The following NUP160 variants were observed in gnomAD, a reference collection of about 807,000 sequenced individuals.
The protein encoded by NUP160 is nucleoporin 160.
NUP160 carries 94 observed loss-of-function variants against 196.9 expected under a neutral mutation model. The ratio of observed to expected loss-of-function variants is 0.48; its 90% CI spans 0.40 to 0.57. The LOEUF is 0.57. Ranked by LOEUF, NUP160 falls within the 20% of genes least tolerant of loss-of-function variation. NUP160 has a pLI of 0.00. For missense variants in NUP160, 1,638 were observed against 1,748.3 expected (o/e 0.94, Z 1.13); for synonymous variants, 605 against 619.7 (o/e 0.98, Z 0.35).
intron 17 of NUP160, 90 bp downstream of exon 17, chr11:47,811,974 G>C: frequency 2.6e-6 from 3 of 1,158,796 alleles, no homozygotes; most frequent in Non-Finnish European, 3.8e-6. Flanking sequence ...AAAAGTATCT[G>C]TGCTAGTAGG....
intron 20 of NUP160, among the ~76,000 whole-genome samples, chr11:47,805,771 G>A (rs2135367472): frequency 6.6e-6 from 1 of 152,044 alleles, no homozygotes; most frequent in East Asian, 1.9e-4. Context: ...ACAGACCTAG[G>A]TATTTCATTA....
chr11:47,809,613 T>C (rs1156954028), intron 17 of NUP160, among the ~76,000 whole-genome samples: 2 of 151,140 alleles, frequency 1.3e-5, no homozygotes, highest in East Asian at 3.9e-4. Flanking sequence ...GCTGGTGTAG[T>C]GGTGCGCATC....
At chr11:47,798,214 T>C in exon 25 of NUP160, 5 of 1,612,954 alleles carry the variant, frequency 3.1e-6, no homozygotes, top group Non-Finnish European at 4.2e-6. Context: ...GCTTGGCTAT[T>C]GTGACCCAAA....
rs1555005036 is a variant in NUP160 at position 47,824,045 on chromosome 11, A to ATATATATG, written c.1102-1882_1102-1881insCATATATA. Among the ~76,000 whole-genome samples the ATATATATG allele has an allele frequency of 1.9e-3, 187 of 98,334 alleles. 3 individuals carry two copies. Among genetic ancestry groups the ATATATATG allele is most frequent in the Admixed American group, 6.1e-3 (54 of 8,888 alleles). The allele number at this position is 98,334 out of a possible 152,430, so 64.5% of individuals were successfully genotyped here. ...TATATATATATATATATATATATAT[A>ATATATATG]TATATATACACACACACATAGAAGT... On this transcript the variant is annotated intron_variant, in intron 7 of 35. Transcript: ENST00000378460.
At chr11:47,815,414 G>T in intron 13 of NUP160, 65 bp downstream of exon 13, 1 of 1,304,884 alleles carries the variant, frequency 7.7e-7, no homozygotes. Context: ...TTTTCTGAAG[G>T]CATTTTGTTA....
At chr11:47,804,776 A>G (rs1292820574) in intron 20 of NUP160, among the ~76,000 whole-genome samples, 158 bp from the exon 21 acceptor site, 1 of 152,222 alleles carries the variant, frequency 6.6e-6, no homozygotes, top group African/African-American at 2.4e-5. Context: ...ACTAGAATAC[A>G]GTTAAACAGT....
chr11:47,798,689 G>A (rs34228231), intron 23 of NUP160, among the ~76,000 whole-genome samples: 24,112 of 151,900 alleles, frequency 0.16, 2,529 homozygotes, highest in Non-Finnish European at 0.24. Context: ...AATTAGCTGC[G>A]TGTGGTGGCA....
chr11:47,779,078 G>A (rs772560018), exon 36 of NUP160: 1 of 1,554,800 alleles, frequency 6.4e-7, no homozygotes, highest in Non-Finnish European at 8.9e-7. Context: ...GCACCAAGCG[G>A]TTACAAAGGC....
At chr11:47,810,219 A>G (rs1044257861) in intron 17 of NUP160, among the ~76,000 whole-genome samples, 2 of 150,646 alleles carry the variant, frequency 1.3e-5, no homozygotes, top group African/African-American at 4.9e-5. Context: ...TTTTTTTGAG[A>G]TAGGGTCTCA....
intron 34 of NUP160, 81 bp from the exon 35 acceptor site, chr11:47,780,528 G>T (rs2135336103): frequency 2.2e-5 from 16 of 727,450 alleles, no homozygotes; most frequent in Non-Finnish European, 2.6e-5. Context: ...GGACTCTGTA[G>T]AATAAAATAC....
At chr11:47,828,712 A>C (rs1852021924) in intron 7 of NUP160, among the ~76,000 whole-genome samples, 1 of 152,204 alleles carries the variant, frequency 6.6e-6, no homozygotes, top group Non-Finnish European at 1.5e-5. Flanking sequence ...AGTAATCAAG[A>C]CAGTGTGGTA....
chr11:47,789,040 C>G (rs1322653459), intron 29 of NUP160, among the ~76,000 whole-genome samples: 1 of 152,078 alleles, frequency 6.6e-6, no homozygotes, highest in African/African-American at 2.4e-5. Context: ...CCATGCCCAG[C>G]TAATTTTTGT....
chr11:47,800,359 A>C lies in NUP160; in HGVS notation c.2895+1452T>G, dbSNP rs111607324. ...CACCCAGGCTGTACTGGAATTCAAA[A>C]GAATTGTCATTAGTAGGAAAGTAGA... On this transcript the variant is annotated intron_variant, in intron 23 of 35. Coordinates refer to ENST00000378460, the Ensembl canonical transcript of NUP160. Among the ~76,000 whole-genome samples the C allele has an allele frequency of 7.2e-3, 1,097 of 152,120 alleles. 17 individuals carry two copies. Among genetic ancestry groups the C allele is most frequent in the African/African-American group, 0.024 (1,015 of 41,520 alleles).
exon 36 of NUP160, chr11:47,778,184 C>T (rs1470271143): frequency 2.7e-5 from 4 of 149,398 alleles, no homozygotes; most frequent in Non-Finnish European, 5.9e-5. Flanking sequence ...TTCTGAAAAA[C>T]TCAAGAAGGG....
intron 34 of NUP160, among the ~76,000 whole-genome samples, chr11:47,781,356 G>A (rs906822029): frequency 5.3e-5 from 8 of 151,752 alleles, no homozygotes; most frequent in African/African-American, 1.9e-4. Context: ...TCAACCTCCA[G>A]GGCTCATGTG....
intron 23 of NUP160, 122 bp from the exon 24 acceptor site, chr11:47,798,585 C>A: frequency 4.8e-6 from 3 of 630,950 alleles, no homozygotes; most frequent in Admixed American, 2.8e-5. Flanking sequence ...CACCTCCAAT[C>A]CCAGTACTCT....
intron 6 of NUP160, among the ~76,000 whole-genome samples, chr11:47,836,436 C>A (rs1036838045): frequency 1.3e-5 from 2 of 151,936 alleles, no homozygotes; most frequent in African/African-American, 2.4e-5. Context: ...GGTAACATGG[C>A]AAAACCCTGT....
chr11:47,800,765 A>G (rs1041501558), intron 23 of NUP160, among the ~76,000 whole-genome samples: 1 of 152,198 alleles, frequency 6.6e-6, no homozygotes. Flanking sequence ...AACAGTGAAG[A>G]CTGCTTCTGT....
intron 7 of NUP160, among the ~76,000 whole-genome samples, chr11:47,832,656 A>G (rs573410106): frequency 2.0e-5 from 3 of 152,260 alleles, no homozygotes; most frequent in Admixed American, 6.5e-5. Context: ...CTGGCAAACT[A>G]TCTTTGAAAA....
Sources: gnomAD v4.1 joint callset for allele counts (sites outside exome capture counted in the v4.1 genomes callset) on GRCh38, gnomAD v4.1.1 for gene constraint, MANE v1.5 for transcripts, NCBI Gene and HGNC (gene_info 2026-07-23, HGNC 2026-07-21) for gene names.